The following OXR1 variants were observed in gnomAD, a reference collection of about 807,000 sequenced individuals.
OXR1 encodes oxidation resistance 1, also known as oxidation resistance protein 1.
A neutral mutation model predicts 104.6 loss-of-function variants in OXR1; 41 were observed. The observed-to-expected ratio is 0.39, with a 90% CI of 0.31 to 0.51. The LOEUF is 0.51. OXR1 is among the 20% of genes least tolerant of loss of function. The probability of loss-of-function intolerance (pLI) is 0.77; values close to 1 mark genes in which losing one functional copy is unlikely to be tolerated. For missense variants in OXR1, 955 were observed against 1,031.9 expected (o/e 0.93, Z 1.02); for synonymous variants, 348 against 348.4 (o/e 1.00, Z 0.01).
intron 3 of OXR1, among the ~76,000 whole-genome samples, chr8:106,562,666 T>C (rs886672959): frequency 2.0e-5 from 3 of 151,896 alleles, no homozygotes; most frequent in Admixed American, 1.3e-4. Flanking sequence ...GACAAATAAT[T>C]GTCAGATTCA....
At chr8:106,393,315 A>G (rs1817654762) in intron 2 of OXR1, among the ~76,000 whole-genome samples, 1 of 152,216 alleles carries the variant, frequency 6.6e-6, no homozygotes, top group Non-Finnish European at 1.5e-5. Flanking sequence ...CATGTGAGAT[A>G]GTTATTCATT....
At chr8:106,629,812 T>TA (rs981748627) in intron 3 of OXR1, among the ~76,000 whole-genome samples, 7 of 152,104 alleles carry the variant, frequency 4.6e-5, no homozygotes, top group African/African-American at 9.7e-5. Flanking sequence ...AACTGCTCTT[T>TA]AAAAAAACTT....
chr8:106,731,243 A>G (rs1201106122), intron 11 of OXR1, among the ~76,000 whole-genome samples: 2 of 152,186 alleles, frequency 1.3e-5, no homozygotes, highest in African/African-American at 4.8e-5. Flanking sequence ...TATGTTTTAC[A>G]TAAACATAGA....
At chr8:106,488,087 G>T (rs1810813622) in intron 2 of OXR1, among the ~76,000 whole-genome samples, 1 of 146,800 alleles carries the variant, frequency 6.8e-6, no homozygotes. Context: ...AGCACCTCTT[G>T]TTTCCTGACT....
At chr8:106,358,006 A>G (rs1816054567) in intron 1 of OXR1, among the ~76,000 whole-genome samples, 1 of 152,172 alleles carries the variant, frequency 6.6e-6, no homozygotes, top group Non-Finnish European at 1.5e-5. Context: ...GCATTTTCCA[A>G]TTGTCTTTAG....
intron 3 of OXR1, chr8:106,658,130 C>T (rs1825331365): frequency 4.8e-6 from 6 of 1,246,322 alleles, no homozygotes; most frequent in Admixed American, 8.4e-5. Context: ...AGGGGGACCT[C>T]GGGTGCGGGT....
At chr8:106,475,028 T>G (rs1240039692) in intron 2 of OXR1, among the ~76,000 whole-genome samples, 1 of 151,916 alleles carries the variant, frequency 6.6e-6, no homozygotes. Context: ...AAGGAAAATA[T>G]AGTACTAGTA....
chr8:106,631,283 TATAA>T (rs1822664650), intron 3 of OXR1, among the ~76,000 whole-genome samples: 1 of 152,218 alleles, frequency 6.6e-6, no homozygotes, highest in South Asian at 2.1e-4. Context: ...ATGTATTATC[TATAA>T]ATAGAGATAA....
At chr8:106,448,092 T>G in intron 2 of OXR1, 1 of 1,533,082 alleles carries the variant, frequency 6.5e-7, no homozygotes, top group Non-Finnish European at 8.7e-7. Context: ...ACTTCCTGTG[T>G]TATGAAGAAA....
intron 2 of OXR1, among the ~76,000 whole-genome samples, chr8:106,484,172 A>G (rs907986185): frequency 2.0e-5 from 3 of 151,802 alleles, no homozygotes; most frequent in Non-Finnish European, 4.4e-5. Flanking sequence ...TTTGCAAAAG[A>G]CATACCTGGT....
At chr8:106,508,346 T>G (rs559766275) in intron 2 of OXR1, among the ~76,000 whole-genome samples, 1 of 152,194 alleles carries the variant, frequency 6.6e-6, no homozygotes, top group Non-Finnish European at 1.5e-5. Flanking sequence ...ATTTTTAACA[T>G]TTTATAATTT....
At chr8:106,615,523 G>A (rs543514472) in intron 3 of OXR1, among the ~76,000 whole-genome samples, 11 of 151,248 alleles carry the variant, frequency 7.3e-5, no homozygotes, top group African/African-American at 2.2e-4. Context: ...TGGGAGGATG[G>A]CTTGAGCCCA....
At position 106,679,197 on chromosome 8, in the gene OXR1, CT is replaced by C. The variant is rs779556889; in HGVS notation, c.221-6del. 1.8e-5 allele frequency: 29 copies of C among 1,577,294 alleles called. No homozygotes were observed. Among genetic ancestry groups the C allele is most frequent in the African/African-American group, 8.2e-5 (6 of 73,396 alleles). Reference sequence around the variant, plus strand: ...AAGATGAATTTAATAGGAATTTTGCCTTTTTTTCCCAGACACTGGCCAAAAG... The same window carrying C: ...AAGATGAATTTAATAGGAATTTTGCCTTTTTTCCCAGACACTGGCCAAAAG... On this transcript the variant is annotated splice_polypyrimidine_tract_variant and intron_variant, in intron 3 of 16. Transcript: ENST00000517566.
At chr8:106,737,201 T>C (rs1178366848) in intron 11 of OXR1, among the ~76,000 whole-genome samples, 9 of 152,168 alleles carry the variant, frequency 5.9e-5, no homozygotes, top group Admixed American at 5.9e-4. Context: ...TCTTTAATGT[T>C]AGCAAAGTAT....
intron 1 of OXR1, among the ~76,000 whole-genome samples, chr8:106,273,958 C>T (rs904659259): frequency 1.3e-5 from 2 of 152,008 alleles, no homozygotes; most frequent in Non-Finnish European, 2.9e-5. Flanking sequence ...TTTTTAAAAG[C>T]GATAATCTTA....
At chr8:106,506,505 C>T (rs369522867) in intron 2 of OXR1, among the ~76,000 whole-genome samples, 2 of 151,784 alleles carry the variant, frequency 1.3e-5, no homozygotes, top group African/African-American at 2.4e-5. Flanking sequence ...CCCAGCTACT[C>T]GGGAGGCTGA....
At chr8:106,426,226 C>G (rs1005262649) in intron 2 of OXR1, among the ~76,000 whole-genome samples, 5 of 152,004 alleles carry the variant, frequency 3.3e-5, no homozygotes, top group Non-Finnish European at 5.9e-5. Flanking sequence ...TAGAACAGGA[C>G]CTGGCACCGT....
intron 2 of OXR1, among the ~76,000 whole-genome samples, chr8:106,462,864 A>G (rs1263805180): frequency 6.6e-6 from 1 of 152,130 alleles, no homozygotes; most frequent in Non-Finnish European, 1.5e-5. Context: ...GACAATATAG[A>G]TAAGTACACT....
At chr8:106,450,644 C>A (rs1820261235) in intron 2 of OXR1, among the ~76,000 whole-genome samples, 2 of 152,110 alleles carry the variant, frequency 1.3e-5, no homozygotes, top group South Asian at 4.1e-4. Flanking sequence ...GTAGTGCCAA[C>A]TAGCATTCCA....
Sources: gnomAD v4.1 joint callset for allele counts (sites outside exome capture counted in the v4.1 genomes callset) on GRCh38, gnomAD v4.1.1 for gene constraint, MANE v1.5 for transcripts, NCBI Gene and HGNC (gene_info 2026-07-23, HGNC 2026-07-21) for gene names.